The following ZNF486 variants were observed in gnomAD, a reference collection of about 807,000 sequenced individuals.
The protein encoded by ZNF486 is zinc finger protein 486.
In ZNF486, 12 loss-of-function variants were observed where a neutral mutation model predicts 12.8. The observed-to-expected ratio is 0.94, with a 90% CI of 0.60 to 1.52. ZNF486 has a LOEUF of 1.52. ZNF486 is among the 40% of genes most tolerant of loss of function. The probability of loss-of-function intolerance (pLI) is 0.00; values close to 1 mark genes in which losing one functional copy is unlikely to be tolerated. For missense variants in ZNF486, 738 were observed against 545.0 expected, an observed-to-expected ratio of 1.35 and a Z score of -3.53; for synonymous variants, 231 against 184.9, an observed-to-expected ratio of 1.25 and a Z score of -2.02.
At chr19:20,178,979 C>A (rs1009491971) in intron 1 of ZNF486, among the ~76,000 whole-genome samples, 2 of 152,218 alleles carry the variant, frequency 1.3e-5, no homozygotes, top group Non-Finnish European at 2.9e-5. Context: ...GTGCAGGTAA[C>A]ACCTGCTGCT....
In ZNF486 at chr19:20,199,310, G is replaced by C. The variant is rs1432281799; in HGVS notation, c.*1208G>C. 1 of 152,162 alleles carries C rather than the reference G, an allele frequency of 6.6e-6. No individual in the cohort carries two copies. Among genetic ancestry groups the C allele is most frequent in the Non-Finnish European group, 1.5e-5 (1 of 68,034 alleles). The allele number at this position is 152,162 out of a possible 1,614,324, so 9.4% of individuals were successfully genotyped here. The stretch of plus-strand genomic sequence containing the variant: ...TTGTAGTACCTTTGCTTGTATTACA[G>C]ATCTTATTGCCCGCGTTTTGTATTA... On this transcript the variant is annotated 3_prime_UTR_variant, in exon 4 of 4. Transcript: ENST00000335117.
Position 20,169,366 on chromosome 19 carries a change from C to T in ZNF486, c.30+2006C>T, listed in dbSNP as rs530816958. 5.3e-5 allele frequency among the ~76,000 whole-genome samples: 8 copies of T among 152,330 alleles called. 1 individual carries two copies. Among genetic ancestry groups the T allele is most frequent in the South Asian group, 4.1e-4 (2 of 4,826 alleles). ...TCAGGTGATCCATCCGCCTTGGCCT[C>T]CCAAAGTGCTGGGATTACATGCTTG... On this transcript the variant is annotated intron_variant, in intron 1 of 3. Transcript: ENST00000335117.
intron 1 of ZNF486, among the ~76,000 whole-genome samples, chr19:20,178,050 A>T (rs983369707): frequency 2.7e-5 from 4 of 149,892 alleles, no homozygotes; most frequent in Non-Finnish European, 5.9e-5. Flanking sequence ...CGGCCCTTTG[A>T]GTAGCTGGGA....
In ZNF486 at chr19:20,197,524, G is replaced by T. The variant is rs782508975; in HGVS notation, c.814G>T (p.Gly272Cys). The part of the protein sequence containing the change: ...GEKPYICEEC[G>C]KAFMYPYTLT... Reference sequence around the variant, plus strand: ...GAAACCCTACATTTGTGAAGAATGTGGCAAAGCCTTTATGTACCCCTATAC... The same window carrying T: ...GAAACCCTACATTTGTGAAGAATGTTGCAAAGCCTTTATGTACCCCTATAC... The change falls in exon 4 of 4, where the codon GGC becomes TGC. Residue 272 changes from glycine to cysteine, a missense_variant. Gly to Cys is a radical substitution (Grantham distance 159). Transcript: ENST00000335117. The T allele has an allele frequency of 1.2e-6, 2 of 1,612,358 alleles. No individual in the cohort carries two copies. Among genetic ancestry groups the T allele is most frequent in the African/African-American group, 2.7e-5 (2 of 74,806 alleles).
rs530800687 is a variant in ZNF486 at position 20,193,593 on chromosome 19, G to C, written c.254-3371G>C. Among the ~76,000 whole-genome samples the C allele has an allele frequency of 2.0e-5, 3 of 152,022 alleles. No individual in the cohort carries two copies. In the South Asian group the frequency reaches 6.2e-4, roughly 32 times the overall value. On this transcript the variant is annotated intron_variant, in intron 3 of 3. Coordinates refer to ENST00000335117, the MANE Select transcript of ZNF486 (RefSeq NM_052852.4). ...GGAGAATTGCTTGAACCTAGAAGGC[G>C]GACGTTGCAGTGAGCCAAGGTCACA...
intron 1 of ZNF486, among the ~76,000 whole-genome samples, chr19:20,177,405 G>A (rs1377168679): frequency 6.6e-6 from 1 of 152,206 alleles, no homozygotes; most frequent in African/African-American, 2.4e-5. Flanking sequence ...TAAGCAATTA[G>A]CATACACAGA....
intron 1 of ZNF486, among the ~76,000 whole-genome samples, chr19:20,169,264 G>T (rs2089619803): frequency 6.6e-6 from 1 of 152,154 alleles, no homozygotes; most frequent in Non-Finnish European, 1.5e-5. Flanking sequence ...GCAGGCACGC[G>T]CCGTCACGCC....
intron 3 of ZNF486, among the ~76,000 whole-genome samples, chr19:20,195,383 G>C (rs1181216141): frequency 6.6e-6 from 1 of 152,110 alleles, no homozygotes; most frequent in Non-Finnish European, 1.5e-5. Flanking sequence ...TGGCCAGGCT[G>C]GTCTCAAACT....
At chr19:20,188,390 C>G in intron 3 of ZNF486, 1 of 398,270 alleles carries the variant, frequency 2.5e-6, no homozygotes, top group Middle Eastern at 6.3e-4. Flanking sequence ...TTCAAGTGTA[C>G]ATTTTCAGGG....
intron 1 of ZNF486, among the ~76,000 whole-genome samples, chr19:20,180,251 CT>C (rs1253990025): frequency 1.3e-5 from 2 of 152,146 alleles, no homozygotes; most frequent in Admixed American, 6.5e-5. Context: ...CAAGAGGTGC[CT>C]TTTTTGGTAC....
At chr19:20,171,862 A>G (rs1320613014) in intron 1 of ZNF486, among the ~76,000 whole-genome samples, 1 of 152,112 alleles carries the variant, frequency 6.6e-6, no homozygotes, top group Non-Finnish European at 1.5e-5. Context: ...TGATCCTCTT[A>G]GTCCTCACAC....
chr19:20,169,894 T>G (rs1284544956), intron 1 of ZNF486, among the ~76,000 whole-genome samples: 2 of 144,884 alleles, frequency 1.4e-5, no homozygotes, highest in Non-Finnish European at 3.0e-5. Context: ...GTATGTTTTT[T>G]TTTTTTTTTT....
intron 2 of ZNF486, among the ~76,000 whole-genome samples, chr19:20,185,635 C>T (rs1555716288): frequency 6.6e-6 from 1 of 151,480 alleles, no homozygotes; most frequent in Admixed American, 6.6e-5. Flanking sequence ...GTCTCAAACT[C>T]CTGACCTTGT....
chr19:20,194,895 C>T (rs2089942796), intron 3 of ZNF486, among the ~76,000 whole-genome samples: 1 of 151,982 alleles, frequency 6.6e-6, no homozygotes, highest in African/African-American at 2.4e-5. Flanking sequence ...GTTCATTCAG[C>T]TTTTTCATGT....
In ZNF486 at chr19:20,182,474, G is replaced by A. The variant is rs532918967; in HGVS notation, c.31-1882G>A. 5.3e-5 allele frequency among the ~76,000 whole-genome samples: 8 copies of A among 152,212 alleles called. No homozygotes were observed. The South Asian group carries it at 1.7e-3, about 32-fold the overall frequency. On this transcript the variant is annotated intron_variant, in intron 1 of 3. Coordinates refer to ENST00000335117, the MANE Select transcript of ZNF486 (RefSeq NM_052852.4). ...AAGCACTTATGTTGTTTTAATGAAG[G>A]GTCTCATGTGACTCTAAGGTGAGGC...
chr19:20,177,142 G>T (rs11882057), intron 1 of ZNF486: 12,059 of 152,312 alleles, frequency 0.079, 731 homozygotes, highest in African/African-American at 0.18. Flanking sequence ...GCTGTGCTCT[G>T]GGCTGTGCCT....
rs149426425 is a variant in ZNF486 at position 20,171,642 on chromosome 19, C to T, written c.30+4282C>T. Among the ~76,000 whole-genome samples, 664 of 152,356 alleles carry T rather than the reference C, an allele frequency of 4.4e-3. 22 individuals carry two copies. Among genetic ancestry groups the T allele is most frequent in the Admixed American group, 0.039 (602 of 15,308 alleles). On this transcript the variant is annotated intron_variant, in intron 1 of 3. Transcript: ENST00000335117. ...AGAAATAAATCAGAGTACAGCCCCA[C>T]CTGGGCCACTATCTGTAGTGAAAAT... is the stretch of plus-strand genomic sequence containing the variant.
chr19:20,168,113 G>T (rs1482449223), intron 1 of ZNF486, among the ~76,000 whole-genome samples: 2 of 152,114 alleles, frequency 1.3e-5, no homozygotes, highest in African/African-American at 2.4e-5. Flanking sequence ...TGTAATCCCA[G>T]CATTTTGAGA....
chr19:20,197,194 GTCTT>G lies in ZNF486; in HGVS notation c.487_490del (p.Phe163IlefsTer19). The G allele has an allele frequency of 6.2e-7, 1 of 1,613,114 alleles. No individual in the cohort carries two copies. The highest frequency in any genetic ancestry group is 8.5e-7 in the Non-Finnish European group (1 of 1,179,790). ...ATTTCAATGTGGTAAATATGTGAAA[GTCTT>G]TCATCAATTTTCAAATTCAAAGAGA... On this transcript the variant is annotated frameshift_variant, in exon 4 of 4. Transcript: ENST00000335117. LOFTEE classifies it low-confidence loss of function (END_TRUNC).
Sources: allele counts gnomAD v4.1 joint callset (sites outside exome capture counted in the v4.1 genomes callset), GRCh38; gene constraint gnomAD v4.1.1; transcripts MANE v1.5; gene names NCBI Gene and HGNC (gene_info 2026-07-23, HGNC 2026-07-21).